TMEM184B: variants seen among roughly 807,000 people sequenced by gnomAD.
The protein encoded by TMEM184B is putative MAPK-activating protein FM08.
TMEM184B carries 17 observed loss-of-function variants against 41.8 expected under a neutral mutation model. The observed-to-expected ratio is 0.41, with a 90% CI of 0.28 to 0.61. The LOEUF (loss-of-function observed/expected upper bound fraction) is 0.61. Ranked by LOEUF, TMEM184B falls within the 20% of genes least tolerant of loss-of-function variation. TMEM184B has a pLI of 0.34. For missense variants in TMEM184B, 393 were observed against 557.8 expected (o/e 0.70, Z 2.98); for synonymous variants, 240 against 229.5 (o/e 1.05, Z -0.41).
chr22:38,271,329 G>T (rs568194749), intron 1 of TMEM184B, among the ~76,000 whole-genome samples: 1 of 152,196 alleles, frequency 6.6e-6, no homozygotes, highest in African/African-American at 2.4e-5. Flanking sequence ...CAGCAAGAGA[G>T]AGGTCCTGGT....
At chr22:38,237,052 G>T (rs1216469379) in intron 3 of TMEM184B, among the ~76,000 whole-genome samples, 1 of 151,970 alleles carries the variant, frequency 6.6e-6, no homozygotes, top group East Asian at 1.9e-4. Context: ...GCAGCTCCTT[G>T]AGCCTGGGTA....
chr22:38,217,868 CAATT>C (rs1230564130), downstream of TMEM184B, among the ~76,000 whole-genome samples: 1 of 142,164 alleles, frequency 7.0e-6, no homozygotes, highest in African/African-American at 2.6e-5. Context: ...GAAAAGAAAA[CAATT>C]AGCCAGTCAT....
rs538481171 is a variant in TMEM184B at position 38,258,108 on chromosome 22, C to T, written c.-58-10089G>A. Among the ~76,000 whole-genome samples the T allele has an allele frequency of 3.3e-5, 5 of 152,258 alleles. No individual in the cohort carries two copies. In the East Asian group the frequency reaches 5.8e-4, roughly 18 times the overall value. On this transcript the variant is annotated intron_variant, in intron 1 of 8. Transcript: ENST00000361906. The stretch of plus-strand genomic sequence containing the variant: ...AGCAGGTGGCAAAGAGGCCAGGCCA[C>T]GCAGTCTGCACTTTGTCCCAGGCTC...
chr22:38,256,404 G>T (rs1358765067), intron 1 of TMEM184B, among the ~76,000 whole-genome samples: 1 of 151,944 alleles, frequency 6.6e-6, no homozygotes, highest in Non-Finnish European at 1.5e-5. Flanking sequence ...AGTAGAGACA[G>T]GTTTTCACCT....
At chr22:38,227,756 A>T (rs1342955618) in intron 5 of TMEM184B, among the ~76,000 whole-genome samples, 1 of 152,148 alleles carries the variant, frequency 6.6e-6, no homozygotes, top group Non-Finnish European at 1.5e-5. Context: ...GGGATGGCAC[A>T]GCCAGGAAGC....
intron 2 of TMEM184B, chr22:38,246,754 G>C (rs1465015506): frequency 8.5e-7 from 1 of 1,177,954 alleles, no homozygotes; most frequent in Non-Finnish European, 1.1e-6. Context: ...CTACTTTTAG[G>C]AAGCAGAGGA....
At chr22:38,246,878 G>A (rs1169624147) in intron 2 of TMEM184B, 2 of 1,302,810 alleles carry the variant, frequency 1.5e-6, no homozygotes, top group Admixed American at 2.3e-5. Context: ...GCCCAGCCGA[G>A]CCCTGGGCTG....
intron 3 of TMEM184B, among the ~76,000 whole-genome samples, chr22:38,234,157 G>A (rs1372952873): frequency 6.6e-6 from 1 of 152,192 alleles, no homozygotes; most frequent in East Asian, 1.9e-4. Flanking sequence ...TTTGTATCTG[G>A]TGGCCCTGAG....
At chr22:38,216,893 ATAAT>A (rs1210258749), downstream of TMEM184B, among the ~76,000 whole-genome samples, 1 of 152,106 alleles carries the variant, frequency 6.6e-6, no homozygotes, top group Non-Finnish European at 1.5e-5. Context: ...AAAATAAAAA[ATAAT>A]TAGCCACATG....
intron 3 of TMEM184B, among the ~76,000 whole-genome samples, chr22:38,234,182 G>A (rs1264217982): frequency 1.3e-5 from 2 of 152,212 alleles, no homozygotes; most frequent in Non-Finnish European, 2.9e-5. Flanking sequence ...CACAGCCAAA[G>A]TGATGTTTTG....
chr22:38,259,203 G>A (rs892903614), intron 1 of TMEM184B, among the ~76,000 whole-genome samples: 10 of 152,168 alleles, frequency 6.6e-5, no homozygotes, highest in African/African-American at 1.9e-4. Context: ...AGATTCTATC[G>A]TCAGAGTCAT....
intron 3 of TMEM184B, among the ~76,000 whole-genome samples, chr22:38,236,783 C>T (rs2091783790): frequency 6.6e-6 from 1 of 152,182 alleles, no homozygotes; most frequent in African/African-American, 2.4e-5. Flanking sequence ...AGCCACTGCG[C>T]CTGGCCTATA....
Position 38,226,383 on chromosome 22 carries a change from G to A in TMEM184B, c.617+396C>T, listed in dbSNP as rs1308537742. 3.1e-5 allele frequency: 6 copies of A among 196,198 alleles called. No homozygotes were observed. In the Admixed American group the frequency reaches 3.1e-4, roughly 10 times the overall value. 12.2% of individuals were successfully genotyped at this position (196,198 alleles called of 1,614,324 possible). On this transcript the variant is annotated intron_variant, in intron 6 of 8. Transcript: ENST00000361906. The surrounding 1 kb of genome is among the most constrained non-coding windows in gnomAD (Gnocchi z 4.6). ...GGCGTGAACCACTGTGCCCAGCCAC[G>A]GGGTCACTTTCACTAAGCCCAGAAT...
Position 38,225,355 on chromosome 22 carries a change from G to A in TMEM184B, c.787+69C>T, listed in dbSNP as rs1336139603. The A allele has an allele frequency of 6.7e-7, 1 of 1,490,226 alleles. No individual in the cohort carries two copies. The highest frequency in any genetic ancestry group is 1.4e-5 in the African/African-American group (1 of 70,294). 92.3% of individuals were successfully genotyped at this position (1,490,226 alleles called of 1,614,324 possible). A position where few individuals can be genotyped will look rare whatever the true frequency, so the allele number is the denominator to read the frequency against. On this transcript the variant is annotated intron_variant, in intron 7 of 8. Transcript: ENST00000361906. This position sits in a 1 kb window ranked among gnomAD's most constrained non-coding sequence, Gnocchi z 4.4. ...CTACAGGCACCAGGGACCATAAGCAGAAGGGGCAGCAGGAAGCGCAGAGGA... is the reference window on the plus strand; with the variant it reads ...CTACAGGCACCAGGGACCATAAGCAAAAGGGGCAGCAGGAAGCGCAGAGGA...
At chr22:38,267,780 G>A (rs1335839834) in intron 1 of TMEM184B, among the ~76,000 whole-genome samples, 1 of 152,122 alleles carries the variant, frequency 6.6e-6, no homozygotes, top group Non-Finnish European at 1.5e-5. Context: ...CTGAGTGGCA[G>A]TGCCACAAAC....
chr22:38,240,789 G>C (rs76599369), intron 3 of TMEM184B, among the ~76,000 whole-genome samples: 2 of 148,184 alleles, frequency 1.3e-5, no homozygotes, highest in Non-Finnish European at 3.0e-5. Context: ...ACAGGCACTA[G>C]GGATCAAATA....
rs60490542 is a variant in TMEM184B at position 38,219,526 on chromosome 22, A to AT, written c.*1942dup. The AT allele has an allele frequency of 4.3e-3, 3,895 of 914,806 alleles. 70 individuals carry two copies. In the African/African-American group the frequency reaches 0.054, roughly 13 times the overall value. The allele number at this position is 914,806 out of a possible 1,614,324, so 56.7% of individuals were successfully genotyped here. ...AAGAGCTACTCTACCTGGAAAGAAA[A>AT]TTAAAAAAAAAAAAGACAAGGTAGG... is the stretch of plus-strand genomic sequence containing the variant. On this transcript the variant is annotated 3_prime_UTR_variant, in exon 9 of 9. Transcript: ENST00000361906.
chr22:38,244,307 G>A (rs1315782668), intron 3 of TMEM184B, among the ~76,000 whole-genome samples: 1 of 152,008 alleles, frequency 6.6e-6, no homozygotes, highest in African/African-American at 2.4e-5. Context: ...CCCAGGTCAA[G>A]GAAACAGACA....
intron 1 of TMEM184B, among the ~76,000 whole-genome samples, chr22:38,264,705 A>C (rs1228417721): frequency 6.6e-6 from 1 of 152,104 alleles, no homozygotes. Context: ...AGGACAGCCA[A>C]CTCTATGTAG....
Sources: allele counts gnomAD v4.1 joint callset (sites outside exome capture counted in the v4.1 genomes callset), GRCh38; gene constraint gnomAD v4.1.1; non-coding constraint Gnocchi (gnomAD v3.1); transcripts MANE v1.5; gene names NCBI Gene and HGNC (gene_info 2026-07-23, HGNC 2026-07-21).